Variants in MCOLN2 observed in about 807,000 individuals in gnomAD.
The protein encoded by MCOLN2 is mucolipin-2.
In MCOLN2, 57 loss-of-function variants were observed where a neutral mutation model predicts 67.5. That is an observed-to-expected ratio of 0.84 (90% CI 0.68 to 1.05). MCOLN2 has a LOEUF of 1.05. MCOLN2 is among the 50% of genes least tolerant of loss of function. The pLI, the probability that MCOLN2 is intolerant of heterozygous loss-of-function variation, is 0.00. For synonymous variants in MCOLN2, 246 were observed against 233.3 expected (o/e 1.05, Z -0.50); for missense variants, 620 against 678.8 (o/e 0.91, Z 0.96).
chr1:84,982,513 T>C (rs113041422), intron 1 of MCOLN2, among the ~76,000 whole-genome samples: 4 of 152,192 alleles, frequency 2.6e-5, no homozygotes, highest in African/African-American at 9.6e-5. Flanking sequence ...AATATACATA[T>C]GGTTCAGCAT....
intron 1 of MCOLN2, among the ~76,000 whole-genome samples, chr1:84,970,843 C>A (rs553524524): frequency 6.6e-6 from 1 of 152,326 alleles, no homozygotes; most frequent in South Asian, 2.1e-4. Flanking sequence ...ACAGAGAGTG[C>A]TTGATGCAGC....
chr1:84,980,547 A>T (rs1650203932), intron 1 of MCOLN2, among the ~76,000 whole-genome samples: 3 of 152,216 alleles, frequency 2.0e-5, no homozygotes, highest in Admixed American at 6.5e-5. Context: ...CTCATTTTTG[A>T]CAAAGGTGAC....
rs757918013 is a variant in MCOLN2 at position 84,958,751 on chromosome 1, G to A, written c.238-49C>T. 1.9e-5 allele frequency: 26 copies of A among 1,370,298 alleles called. No individual in the cohort carries two copies. The Middle Eastern group carries it at 1.3e-3, about 67-fold the overall frequency. The allele number at this position is 1,370,298 out of a possible 1,614,324, so 84.9% of individuals were successfully genotyped here. On this transcript the variant is annotated intron_variant, in intron 2 of 13. Coordinates refer to ENST00000370608, the MANE Select transcript of MCOLN2 (RefSeq NM_153259.4). ...ACACATGAATTACACCATTTATCAG[G>A]GGAGGCAAATGTCTTCTCACTATCA...
chr1:84,953,418 C>T (rs951437517), intron 4 of MCOLN2, among the ~76,000 whole-genome samples: 68 of 152,046 alleles, frequency 4.5e-4, no homozygotes, highest in African/African-American at 1.6e-3. Flanking sequence ...GGCGTGGTGG[C>T]GTGCGCCTGT....
chr1:84,977,584 T>C (rs1483480575), intron 1 of MCOLN2, among the ~76,000 whole-genome samples: 4 of 151,824 alleles, frequency 2.6e-5, no homozygotes, highest in Non-Finnish European at 5.9e-5. Context: ...AGAGCAGGAG[T>C]AGCTATGCTT....
chr1:84,971,996 A>G (rs1344454592), intron 1 of MCOLN2: 21 of 152,230 alleles, frequency 1.4e-4, no homozygotes. Context: ...CAGGAGGCAG[A>G]GGTTGCAGTG....
At chr1:84,980,183 T>G (rs1405377818) in intron 1 of MCOLN2, among the ~76,000 whole-genome samples, 1 of 151,900 alleles carries the variant, frequency 6.6e-6, no homozygotes, top group Non-Finnish European at 1.5e-5. Context: ...ACACCAAAAA[T>G]GGAGAAATTT....
At chr1:84,987,494 G>A (rs1365396283) in intron 1 of MCOLN2, among the ~76,000 whole-genome samples, 12 of 53,558 alleles carry the variant, frequency 2.2e-4, no homozygotes, top group East Asian at 5.6e-4. Context: ...ATATACATAT[G>A]TATACATAGA....
At chr1:84,974,707 G>A (rs1024869034) in intron 1 of MCOLN2, among the ~76,000 whole-genome samples, 1 of 151,976 alleles carries the variant, frequency 6.6e-6, no homozygotes. Flanking sequence ...CTCGGCTATT[G>A]GGGGGTGGAG....
At chr1:84,988,444 T>G (rs1571050168) in intron 1 of MCOLN2, among the ~76,000 whole-genome samples, 1 of 152,164 alleles carries the variant, frequency 6.6e-6, no homozygotes, top group Non-Finnish European at 1.5e-5. Context: ...GGCATCAAGA[T>G]TTTTATAAGT....
chr1:84,996,113 A>G (rs967199744), intron 1 of MCOLN2, among the ~76,000 whole-genome samples: 4 of 152,224 alleles, frequency 2.6e-5, no homozygotes, highest in African/African-American at 9.6e-5. Context: ...GGGGAAAGCT[A>G]TCAAATTTCC....
chr1:84,971,462 A>C (rs1649674942), intron 1 of MCOLN2, among the ~76,000 whole-genome samples: 1 of 148,684 alleles, frequency 6.7e-6, no homozygotes, highest in South Asian at 2.2e-4. Flanking sequence ...CCCCATTTGT[A>C]GGTTTGTCCT....
chr1:84,948,420 G>C (rs987588347), intron 6 of MCOLN2, among the ~76,000 whole-genome samples: 16 of 151,960 alleles, frequency 1.1e-4, no homozygotes, highest in Non-Finnish European at 2.2e-4. Flanking sequence ...AACACCCTAG[G>C]GCCCATCTAC....
At chr1:84,928,463 C>T (rs1661258731) in intron 13 of MCOLN2, among the ~76,000 whole-genome samples, 1 of 152,156 alleles carries the variant, frequency 6.6e-6, no homozygotes, top group Non-Finnish European at 1.5e-5. Flanking sequence ...CCTCCCAGGA[C>T]TTTGTGTGGC....
intron 1 of MCOLN2, among the ~76,000 whole-genome samples, chr1:84,974,215 G>A (rs766368705): frequency 1.3e-5 from 2 of 152,060 alleles, no homozygotes; most frequent in Non-Finnish European, 2.9e-5. Context: ...AGGCAATTTA[G>A]GCCACAAGGA....
At chr1:84,946,106 T>C (rs2102824965) in intron 7 of MCOLN2, among the ~76,000 whole-genome samples, 1 of 152,308 alleles carries the variant, frequency 6.6e-6, no homozygotes, top group South Asian at 2.1e-4. Context: ...ACTGAGTAAA[T>C]GACTCAGCAT....
At chr1:84,959,109 A>G (rs1295367449) in intron 2 of MCOLN2, among the ~76,000 whole-genome samples, 2 of 152,246 alleles carry the variant, frequency 1.3e-5, no homozygotes, top group Non-Finnish European at 2.9e-5. Context: ...ATTTTTTAAA[A>G]TCACAACTAT....
chr1:84,948,842 G>A (rs1476610967), intron 6 of MCOLN2, among the ~76,000 whole-genome samples: 1 of 152,216 alleles, frequency 6.6e-6, no homozygotes, highest in African/African-American at 2.4e-5. Flanking sequence ...AAAGAAAAAT[G>A]AATTTCTGGC....
chr1:84,940,192 G>A (rs1647679154), intron 8 of MCOLN2, among the ~76,000 whole-genome samples: 1 of 152,160 alleles, frequency 6.6e-6, no homozygotes, highest in Non-Finnish European at 1.5e-5. Context: ...GGGGATTGGG[G>A]AGCATGTAAG....
Sources: gnomAD v4.1 joint callset for allele counts (sites outside exome capture counted in the v4.1 genomes callset) on GRCh38, gnomAD v4.1.1 for gene constraint, MANE v1.5 for transcripts, NCBI Gene and HGNC (gene_info 2026-07-23, HGNC 2026-07-21) for gene names.